Variants in PRELID2 observed in about 807,000 individuals in gnomAD.
PRELID2 encodes the protein PRELI domain containing 2.
PRELID2 carries 25 observed loss-of-function variants against 28.4 expected under a neutral mutation model. That is an observed-to-expected ratio of 0.88 (90% CI 0.64 to 1.23). The LOEUF (loss-of-function observed/expected upper bound fraction) is 1.23, where lower values mean the gene tolerates loss of function less well. Among genes scored for constraint, PRELID2 ranks in the 50% most tolerant of loss-of-function variants. The pLI is 0.00. For synonymous variants in PRELID2, 76 were observed against 71.6 expected, an observed-to-expected ratio of 1.06 and a Z score of -0.31; for missense variants, 201 against 214.4, an observed-to-expected ratio of 0.94 and a Z score of 0.39.
intron 1 of PRELID2, among the ~76,000 whole-genome samples, chr5:145,507,054 T>C (rs1419046099): frequency 6.6e-6 from 1 of 152,204 alleles, no homozygotes; most frequent in Non-Finnish European, 1.5e-5. Flanking sequence ...AAACTGCAAC[T>C]AGAGCATCAC....
At chr5:145,536,915 A>T (rs528118823) in intron 1 of PRELID2, among the ~76,000 whole-genome samples, 109 of 151,966 alleles carry the variant, frequency 7.2e-4, no homozygotes, top group African/African-American at 2.3e-3. Context: ...TAAACAGAAG[A>T]AAGTAGAAGT....
At chr5:145,373,332 C>CGATATATATTACAACATATATAATATAT in the PRELID2 span, among the ~76,000 whole-genome samples, 1 of 80,264 alleles carries the variant, frequency 1.2e-5, no homozygotes, top group African/African-American at 4.5e-5. Flanking sequence ...ATATAATATA[C>CGATATATATTACAACATATATAATATAT]GATATATATT....
At chr5:145,627,216 A>G (rs1240610278) in intron 1 of PRELID2, among the ~76,000 whole-genome samples, 1 of 151,578 alleles carries the variant, frequency 6.6e-6, no homozygotes, top group Non-Finnish European at 1.5e-5. Context: ...TTACAACAAC[A>G]TGAATGCAAC....
At chr5:145,717,995 A>G (rs1755888090) in intron 1 of PRELID2, among the ~76,000 whole-genome samples, 1 of 152,002 alleles carries the variant, frequency 6.6e-6, no homozygotes, top group Non-Finnish European at 1.5e-5. Context: ...TCGACTCTTA[A>G]ATAGTCACCC....
chr5:145,425,208 T>C, the PRELID2 span, among the ~76,000 whole-genome samples: 27 of 152,264 alleles, frequency 1.8e-4, no homozygotes, highest in East Asian at 3.5e-3. Context: ...CACAAAGAGA[T>C]ACCATCTCAT....
the PRELID2 span, among the ~76,000 whole-genome samples, chr5:145,458,219 G>T: frequency 6.6e-6 from 1 of 152,018 alleles, no homozygotes; most frequent in African/African-American, 2.4e-5. Context: ...TTATGTATAA[G>T]GATACTCCTT....
At chr5:145,713,410 T>G (rs1454762125) in intron 1 of PRELID2, among the ~76,000 whole-genome samples, 1 of 139,328 alleles carries the variant, frequency 7.2e-6, no homozygotes, top group East Asian at 2.0e-4. Context: ...GACTTTTATA[T>G]ATACTTTATA....
the PRELID2 span, among the ~76,000 whole-genome samples, chr5:145,390,951 C>T: frequency 2.6e-5 from 4 of 152,188 alleles, no homozygotes; most frequent in Admixed American, 2.0e-4. Context: ...ACCTTAAAGT[C>T]CCAAAATAAT....
intron 1 of PRELID2, among the ~76,000 whole-genome samples, chr5:145,648,979 C>T (rs974899000): frequency 6.6e-6 from 1 of 151,924 alleles, no homozygotes; most frequent in Non-Finnish European, 1.5e-5. Context: ...CTTTGAGTAC[C>T]TATCAAAGCA....
the PRELID2 span, among the ~76,000 whole-genome samples, chr5:145,389,557 T>C: frequency 6.6e-6 from 1 of 152,144 alleles, no homozygotes; most frequent in African/African-American, 2.4e-5. Flanking sequence ...ACATCTTTCT[T>C]CCAAGGAGCT....
chr5:145,447,204 A>G, the PRELID2 span, among the ~76,000 whole-genome samples: 3 of 151,918 alleles, frequency 2.0e-5, no homozygotes, highest in Non-Finnish European at 4.4e-5. Flanking sequence ...CTCTGTCTTC[A>G]TTGAGTTTTC....
intron 5 of PRELID2, among the ~76,000 whole-genome samples, chr5:145,770,793 TA>T (rs1300210828): frequency 6.6e-6 from 1 of 152,222 alleles, no homozygotes; most frequent in African/African-American, 2.4e-5. Flanking sequence ...AATAAGGATA[TA>T]AAGCAAAATA....
intron 1 of PRELID2, among the ~76,000 whole-genome samples, chr5:145,702,088 T>C (rs1227844576): frequency 4.0e-5 from 6 of 151,854 alleles, no homozygotes; most frequent in Non-Finnish European, 7.4e-5. Flanking sequence ...CACACACATA[T>C]ATATATATTT....
chr5:145,232,584 C>T, the PRELID2 span, among the ~76,000 whole-genome samples: 9 of 152,136 alleles, frequency 5.9e-5, no homozygotes, highest in South Asian at 2.1e-4. Context: ...CTTGATCACT[C>T]GTTATTTGGA....
At chr5:145,611,321 G>A (rs913740255) in intron 1 of PRELID2, among the ~76,000 whole-genome samples, 1 of 151,912 alleles carries the variant, frequency 6.6e-6, no homozygotes, top group African/African-American at 2.4e-5. Context: ...GCACCAACAC[G>A]ACTGGCTAAT....
At chr5:145,802,387 T>A (rs551253229) in intron 4 of PRELID2, among the ~76,000 whole-genome samples, 31 of 152,208 alleles carry the variant, frequency 2.0e-4, no homozygotes, top group Non-Finnish European at 3.7e-4. Context: ...AATGGTTGTA[T>A]CTATTTTTTC....
At chr5:145,623,705 G>T (rs980602567) in intron 1 of PRELID2, among the ~76,000 whole-genome samples, 4 of 152,088 alleles carry the variant, frequency 2.6e-5, no homozygotes, top group African/African-American at 7.2e-5. Context: ...GAAAGCAAAG[G>T]TTATTCAGTA....
At chr5:145,462,697 G>A in the PRELID2 span, among the ~76,000 whole-genome samples, 1 of 152,256 alleles carries the variant, frequency 6.6e-6, no homozygotes, top group Non-Finnish European at 1.5e-5. Context: ...AGAAAGAAGA[G>A]CATTAGTGCT....
At chr5:145,730,099 G>T (rs1756295818) in intron 1 of PRELID2, among the ~76,000 whole-genome samples, 1 of 152,116 alleles carries the variant, frequency 6.6e-6, no homozygotes, top group Admixed American at 6.5e-5. Context: ...GGGGATTTAT[G>T]CCCTGGGTTT....
Sources: allele counts gnomAD v4.1 joint callset (sites outside exome capture counted in the v4.1 genomes callset), GRCh38; gene constraint gnomAD v4.1.1; transcripts MANE v1.5; gene names NCBI Gene and HGNC (gene_info 2026-07-23, HGNC 2026-07-21).